The following EPB41L4A variants were observed in gnomAD, a reference collection of about 807,000 sequenced individuals.
EPB41L4A encodes band 4.1-like protein 4A.
EPB41L4A carries 100 observed loss-of-function variants against 108.6 expected under a neutral mutation model. That is an observed-to-expected ratio of 0.92 (90% CI 0.78 to 1.09). The LOEUF (loss-of-function observed/expected upper bound fraction) is 1.09, where lower values mean the gene tolerates loss of function less well. EPB41L4A is among the 50% of genes least tolerant of loss of function. The pLI is 0.00. For missense variants in EPB41L4A, 1,030 were observed against 842.7 expected (o/e 1.22, Z -2.75); for synonymous variants, 319 against 289.0 (o/e 1.10, Z -1.05).
At chr5:112,154,678 A>G (rs1759589430) in intron 12 of EPB41L4A, among the ~76,000 whole-genome samples, 1 of 152,210 alleles carries the variant, frequency 6.6e-6, no homozygotes, top group South Asian at 2.1e-4. Flanking sequence ...AATAGCCCCC[A>G]CAAAATTTTT....
intron 12 of EPB41L4A, among the ~76,000 whole-genome samples, chr5:112,155,590 C>G (rs1259037610): frequency 1.3e-5 from 2 of 152,032 alleles, no homozygotes; most frequent in Non-Finnish European, 2.9e-5. Context: ...TCTTCCCCAC[C>G]ACCACATCTT....
chr5:112,228,628 A>C (rs1159402449), intron 12 of EPB41L4A: 6 of 868,620 alleles, frequency 6.9e-6, no homozygotes, highest in Non-Finnish European at 8.3e-6. Flanking sequence ...CTTATAGCTA[A>C]TTATGAATTA....
chr5:112,288,215 T>G (rs985497384), intron 2 of EPB41L4A, among the ~76,000 whole-genome samples: 3 of 152,166 alleles, frequency 2.0e-5, no homozygotes, highest in Non-Finnish European at 4.4e-5. Context: ...CCCAACAGCC[T>G]TACAGGGAAT....
chr5:112,230,431 A>C (rs1748813129), intron 12 of EPB41L4A, among the ~76,000 whole-genome samples: 1 of 152,134 alleles, frequency 6.6e-6, no homozygotes, highest in African/African-American at 2.4e-5. Context: ...TTCTTGCAGG[A>C]GTAAAGCGGT....
chr5:112,197,462 T>C (rs1307100187), intron 15 of EPB41L4A, among the ~76,000 whole-genome samples: 1 of 152,198 alleles, frequency 6.6e-6, no homozygotes, highest in African/African-American at 2.4e-5. Flanking sequence ...ATAAACACAA[T>C]TATACCGAAA....
At chr5:112,264,850 G>T in intron 6 of EPB41L4A, 46 bp downstream of exon 6, 1 of 1,576,352 alleles carries the variant, frequency 6.3e-7, no homozygotes, top group Non-Finnish European at 8.6e-7. Context: ...ATCAGAAGAT[G>T]ATGACTGATG....
chr5:112,345,778 T>C (rs865833729), intron 1 of EPB41L4A, among the ~76,000 whole-genome samples: 91 of 130,776 alleles, frequency 7.0e-4, no homozygotes, highest in Middle Eastern at 3.9e-3. Context: ...CATATATATA[T>C]ATACACACAC....
intron 2 of EPB41L4A, among the ~76,000 whole-genome samples, chr5:112,307,139 C>T (rs17134335): frequency 0.013 from 1,910 of 152,268 alleles, 47 homozygotes; most frequent in South Asian, 0.055. Context: ...GGTTGCAAAT[C>T]TGGAAACCAC....
At chr5:112,198,858 AG>A (rs1762088549) in intron 15 of EPB41L4A, among the ~76,000 whole-genome samples, 1 of 147,994 alleles carries the variant, frequency 6.8e-6, no homozygotes, top group African/African-American at 2.4e-5. Flanking sequence ...CTAAATAATT[AG>A]TTTTTTAGAA....
At chr5:112,387,237 G>A (rs1725484857) in intron 1 of EPB41L4A, among the ~76,000 whole-genome samples, 1 of 152,174 alleles carries the variant, frequency 6.6e-6, no homozygotes, top group South Asian at 2.1e-4. Flanking sequence ...GAGAGACCAC[G>A]TCCAATAGAG....
intron 1 of EPB41L4A, among the ~76,000 whole-genome samples, chr5:112,407,533 C>G (rs1045232925): frequency 2.6e-5 from 4 of 152,142 alleles, no homozygotes; most frequent in Admixed American, 6.5e-5. Flanking sequence ...ACTCTAAAAC[C>G]TGCTAAATAT....
rs1337680755 is a variant in EPB41L4A, at chr5:112,195,846, T to C, written c.1377-138A>G. The C allele has an allele frequency of 8.4e-6, 6 of 716,632 alleles. No individual in the cohort carries two copies. In the East Asian group the frequency reaches 1.1e-4, roughly 13 times the overall value. The allele number at this position is 716,632 out of a possible 1,614,324, so 44.4% of individuals were successfully genotyped here. A position where few individuals can be genotyped will look rare whatever the true frequency, so the allele number is the denominator to read the frequency against. On this transcript the variant is annotated intron_variant, in intron 15 of 22. Coordinates refer to ENST00000261486, the MANE Select transcript of EPB41L4A (RefSeq NM_022140.5). The stretch of plus-strand genomic sequence containing the variant: ...ATTTGCCAAACATTTACGTCATATG[T>C]ATATGCCTAACCCTACATACAACAC...
chr5:112,207,097 C>T (rs1762510713), intron 13 of EPB41L4A: 1 of 152,146 alleles, frequency 6.6e-6, no homozygotes, highest in Admixed American at 6.5e-5. Context: ...GACAAAAAGA[C>T]CAATGCAATA....
downstream of EPB41L4A, chr5:112,161,162 T>C (rs1474374226): frequency 5.1e-6 from 1 of 197,030 alleles, no homozygotes; most frequent in African/African-American, 2.4e-5. Flanking sequence ...TTTATTTTCG[T>C]CAGTGAAAAG....
intron 1 of EPB41L4A, among the ~76,000 whole-genome samples, chr5:112,361,044 G>A (rs1441543788): frequency 1.3e-5 from 2 of 152,200 alleles, no homozygotes; most frequent in Non-Finnish European, 2.9e-5. Flanking sequence ...TTGAGAACGG[G>A]CCATGATGAC....
At chr5:112,410,632 C>A (rs1185058420) in intron 1 of EPB41L4A, among the ~76,000 whole-genome samples, 1 of 152,058 alleles carries the variant, frequency 6.6e-6, no homozygotes, top group Admixed American at 6.5e-5. Context: ...TTCCTGAGCC[C>A]CTCCCCCATG....
chr5:112,402,808 T>C (rs1022630759), intron 1 of EPB41L4A, among the ~76,000 whole-genome samples: 1 of 152,196 alleles, frequency 6.6e-6, no homozygotes, highest in African/African-American at 2.4e-5. Flanking sequence ...ATACCTGTTT[T>C]CAGTACCTCA....
intron 12 of EPB41L4A, among the ~76,000 whole-genome samples, chr5:112,148,828 G>A (rs1486826163): frequency 1.3e-5 from 2 of 152,112 alleles, no homozygotes; most frequent in African/African-American, 2.4e-5. Context: ...TGCCAGCAAT[G>A]TGTGTTGGAT....
At chr5:112,402,383 C>T (rs28600062) in intron 1 of EPB41L4A, among the ~76,000 whole-genome samples, 2,036 of 151,524 alleles carry the variant, frequency 0.013, 57 homozygotes, top group African/African-American at 0.047. Context: ...CAGACTAATA[C>T]AACTGGTAAA....
Sources: gnomAD v4.1 joint callset for allele counts (sites outside exome capture counted in the v4.1 genomes callset) on GRCh38, gnomAD v4.1.1 for gene constraint, MANE v1.5 for transcripts, NCBI Gene and HGNC (gene_info 2026-07-23, HGNC 2026-07-21) for gene names.